Variants in EVA1A observed in about 807,000 individuals in gnomAD.
EVA1A encodes eva-1 homolog A, regulator of programmed cell death.
A neutral mutation model predicts 9.8 loss-of-function variants in EVA1A; 7 were observed. That is an observed-to-expected ratio of 0.71 (90% CI 0.41 to 1.34). The LOEUF (loss-of-function observed/expected upper bound fraction) is 1.34, where lower values mean the gene tolerates loss of function less well. Ranked by LOEUF, EVA1A falls within the 40% of genes most tolerant of loss-of-function variation. EVA1A has a pLI of 0.01. For missense variants in EVA1A, 206 were observed against 205.9 expected (o/e 1.00, Z 0.00); for synonymous variants, 90 against 85.6 (o/e 1.05, Z -0.28).
At chr2:75,555,022 G>A (rs1002660973) in intron 1 of EVA1A, among the ~76,000 whole-genome samples, 1 of 152,190 alleles carries the variant, frequency 6.6e-6, no homozygotes, top group African/African-American at 2.4e-5. Flanking sequence ...CACTTACTAA[G>A]TGCCTCCTAT....
At chr2:75,495,657 T>A (rs535632524) in intron 3 of EVA1A, among the ~76,000 whole-genome samples, 1 of 152,312 alleles carries the variant, frequency 6.6e-6, no homozygotes, top group African/African-American at 2.4e-5. Context: ...TGACTATACA[T>A]TGGGTAGAGT....
intron 1 of EVA1A, among the ~76,000 whole-genome samples, chr2:75,529,467 A>G (rs1432213234): frequency 1.3e-5 from 2 of 152,212 alleles, no homozygotes; most frequent in African/African-American, 4.8e-5. Context: ...CAGCACACAG[A>G]ACATTATTCA....
At chr2:75,523,745 T>C (rs1675314065) in intron 1 of EVA1A, among the ~76,000 whole-genome samples, 1 of 152,202 alleles carries the variant, frequency 6.6e-6, no homozygotes, top group African/African-American at 2.4e-5. Flanking sequence ...CCTTAATTCT[T>C]ATCTTTGTTC....
At chr2:75,535,769 G>C (rs1427130307) in intron 1 of EVA1A, among the ~76,000 whole-genome samples, 3 of 152,096 alleles carry the variant, frequency 2.0e-5, no homozygotes, top group African/African-American at 4.8e-5. Flanking sequence ...ATAGACATTG[G>C]AGACTCAGAA....
intron 3 of EVA1A, among the ~76,000 whole-genome samples, chr2:75,516,248 T>C (rs61479334): frequency 0.18 from 26,717 of 152,290 alleles, 2,681 homozygotes; most frequent in East Asian, 0.28. Flanking sequence ...TTTAAATACA[T>C]ATTTGAAATT....
intron 1 of EVA1A, among the ~76,000 whole-genome samples, chr2:75,557,773 T>C (rs1259359570): frequency 6.6e-6 from 1 of 152,330 alleles, no homozygotes; most frequent in Non-Finnish European, 1.5e-5. Flanking sequence ...CTAACCCCAA[T>C]GTCCTGCCCC....
chr2:75,497,321 A>T (rs1354904938), intron 3 of EVA1A, among the ~76,000 whole-genome samples: 8 of 152,226 alleles, frequency 5.3e-5, no homozygotes, highest in South Asian at 2.1e-4. Flanking sequence ...AATCTATTTT[A>T]AAAAAATTGA....
chr2:75,537,150 A>T (rs1295324368), intron 1 of EVA1A, among the ~76,000 whole-genome samples: 1 of 152,242 alleles, frequency 6.6e-6, no homozygotes, highest in Non-Finnish European at 1.5e-5. Flanking sequence ...GCTTATTTCA[A>T]GAATGCAAGG....
chr2:75,492,621 C>T lies in EVA1A; in HGVS notation c.*615G>A, dbSNP rs932385899. On this transcript the variant is annotated 3_prime_UTR_variant, in exon 4 of 4. Transcript: ENST00000393913. The stretch of plus-strand genomic sequence containing the variant: ...GACATTTTCTAGTTCACTGACACAT[C>T]TCCCATAATACAATAGTTCTATTCA... 6.6e-6 allele frequency: 1 copy of T among 152,634 alleles called. No homozygotes were observed. Among genetic ancestry groups the T allele is most frequent in the Non-Finnish European group, 1.5e-5 (1 of 68,046 alleles). 9.5% of individuals were successfully genotyped at this position (152,634 alleles called of 1,614,324 possible). A position where few individuals can be genotyped will look rare whatever the true frequency, so the allele number is the denominator to read the frequency against.
chr2:75,504,365 C>T (rs756216438), intron 3 of EVA1A, among the ~76,000 whole-genome samples: 2 of 152,072 alleles, frequency 1.3e-5, no homozygotes. Context: ...GAGATGAGAT[C>T]GCACCATTGC....
chr2:75,556,506 G>A (rs1263443449), intron 1 of EVA1A, among the ~76,000 whole-genome samples: 1 of 152,166 alleles, frequency 6.6e-6, no homozygotes, highest in African/African-American at 2.4e-5. Context: ...TACAAGTGAT[G>A]CCCAAAGATC....
At chr2:75,561,173 G>A (rs1157011230), upstream of EVA1A, 1 of 152,150 alleles carries the variant, frequency 6.6e-6, no homozygotes, top group Non-Finnish European at 1.5e-5. Flanking sequence ...CAGGACCGGG[G>A]AGGTTCCCCA....
intron 1 of EVA1A, among the ~76,000 whole-genome samples, chr2:75,537,804 C>T (rs1558686705): frequency 6.6e-6 from 1 of 152,150 alleles, no homozygotes; most frequent in Non-Finnish European, 1.5e-5. Flanking sequence ...CTCCTTCTTA[C>T]CATACAACAT....
intron 2 of EVA1A, among the ~76,000 whole-genome samples, chr2:75,520,887 C>T (rs1675206871): frequency 6.6e-6 from 1 of 152,022 alleles, no homozygotes; most frequent in African/African-American, 2.4e-5. Context: ...TCACAGGGCA[C>T]AACAGAGTAA....
At chr2:75,504,777 G>A (rs1005831127) in intron 3 of EVA1A, among the ~76,000 whole-genome samples, 2 of 151,206 alleles carry the variant, frequency 1.3e-5, no homozygotes, top group Non-Finnish European at 2.9e-5. Flanking sequence ...ACACAGGGAG[G>A]GGCACACAGG....
At chr2:75,493,842 G>A (rs1284618819) in intron 3 of EVA1A, among the ~76,000 whole-genome samples, 1 of 152,210 alleles carries the variant, frequency 6.6e-6, no homozygotes, top group Non-Finnish European at 1.5e-5. Flanking sequence ...TTAACTTAGA[G>A]ATTATTCCCA....
chr2:75,535,455 A>G (rs1675847656), intron 1 of EVA1A, among the ~76,000 whole-genome samples: 1 of 152,230 alleles, frequency 6.6e-6, no homozygotes, highest in Non-Finnish European at 1.5e-5. Flanking sequence ...ACCCAAAGGA[A>G]AAGAGATGAT....
chr2:75,517,509 C>T (rs1675054966), intron 3 of EVA1A, among the ~76,000 whole-genome samples: 1 of 152,114 alleles, frequency 6.6e-6, no homozygotes, highest in South Asian at 2.1e-4. Flanking sequence ...GAAAATCAGC[C>T]ATCTTACTAA....
At chr2:75,531,891 G>A (rs1675665012) in intron 1 of EVA1A, among the ~76,000 whole-genome samples, 1 of 152,106 alleles carries the variant, frequency 6.6e-6, no homozygotes, top group Non-Finnish European at 1.5e-5. Flanking sequence ...TGAGCGCGGT[G>A]GCTCACGCCT....
Sources: gnomAD v4.1 joint callset for allele counts (sites outside exome capture counted in the v4.1 genomes callset) on GRCh38, gnomAD v4.1.1 for gene constraint, MANE v1.5 for transcripts, NCBI Gene and HGNC (gene_info 2026-07-23, HGNC 2026-07-21) for gene names.